Variants in INSYN2A observed in about 807,000 individuals in gnomAD.
The protein encoded by INSYN2A is family with sequence similarity 196 member A.
INSYN2A carries 17 observed loss-of-function variants against 39.4 expected under a neutral mutation model. That is an observed-to-expected ratio of 0.43 (90% CI 0.30 to 0.65). The LOEUF (loss-of-function observed/expected upper bound fraction) is 0.65. Ranked by LOEUF, INSYN2A falls within the 30% of genes least tolerant of loss-of-function variation. The pLI, the probability that INSYN2A is intolerant of heterozygous loss-of-function variation, is 0.14. For missense variants in INSYN2A, 595 were observed against 631.2 expected (o/e 0.94, Z 0.61); for synonymous variants, 255 against 265.7 (o/e 0.96, Z 0.39).
At chr10:127,178,914 G>T (rs114839525) in intron 2 of INSYN2A, among the ~76,000 whole-genome samples, 12 of 152,310 alleles carry the variant, frequency 7.9e-5, no homozygotes, top group African/African-American at 2.4e-4. Context: ...ATGGGTAGCA[G>T]TGGGGGTGGA....
At chr10:127,189,558 C>T (rs1056823296) in intron 2 of INSYN2A, among the ~76,000 whole-genome samples, 2 of 152,110 alleles carry the variant, frequency 1.3e-5, no homozygotes, top group Non-Finnish European at 2.9e-5. Flanking sequence ...ATAGCAAGTG[C>T]AAAACAAATT....
In INSYN2A at chr10:127,176,495, G is replaced by A. The variant is rs1294875354; in HGVS notation, c.-5-95C>T. 8 of 1,012,244 alleles carry A rather than the reference G, an allele frequency of 7.9e-6. No homozygotes were observed. In the South Asian group the frequency reaches 9.5e-5, roughly 12 times the overall value. 62.7% of individuals were successfully genotyped at this position (1,012,244 alleles called of 1,614,324 possible). On this transcript the variant is annotated intron_variant, in intron 3 of 5. Coordinates refer to ENST00000522781, the MANE Select transcript of INSYN2A (RefSeq NM_001039762.3). The surrounding 1 kb of genome is among the most constrained non-coding windows in gnomAD (Gnocchi z 4.4). Reference sequence around the variant, plus strand: ...CTTTTAGCCACCACGACGACTGCCTGTTTCCTAATTATATTTAAGCAGGTG... The same window carrying A: ...CTTTTAGCCACCACGACGACTGCCTATTTCCTAATTATATTTAAGCAGGTG...
intron 4 of INSYN2A, among the ~76,000 whole-genome samples, chr10:127,164,462 C>T (rs868182145): frequency 2.6e-5 from 4 of 152,216 alleles, no homozygotes; most frequent in Middle Eastern, 3.4e-3. Context: ...GGATTACAGG[C>T]GTGAGCCACT....
Position 127,176,494 on chromosome 10 carries a change from T to G in INSYN2A, c.-5-94A>C, listed in dbSNP as rs998898202. 12 of 1,014,370 alleles carry G rather than the reference T, an allele frequency of 1.2e-5. No individual in the cohort carries two copies. In the African/African-American group the frequency reaches 1.9e-4, roughly 16 times the overall value. The allele number at this position is 1,014,370 out of a possible 1,614,324, so 62.8% of individuals were successfully genotyped here. The stretch of plus-strand genomic sequence containing the variant: ...ACTTTTAGCCACCACGACGACTGCC[T>G]GTTTCCTAATTATATTTAAGCAGGT... On this transcript the variant is annotated intron_variant, in intron 3 of 5. Coordinates refer to ENST00000522781, the MANE Select transcript of INSYN2A (RefSeq NM_001039762.3). The surrounding 1 kb of genome is among the most constrained non-coding windows in gnomAD (Gnocchi z 4.4).
At chr10:127,184,245 G>T (rs997798597) in intron 2 of INSYN2A, among the ~76,000 whole-genome samples, 6 of 152,128 alleles carry the variant, frequency 3.9e-5, no homozygotes, top group African/African-American at 1.4e-4. Context: ...CTCCAACTTA[G>T]TAGATTCTGT....
intron 5 of INSYN2A, among the ~76,000 whole-genome samples, chr10:127,148,030 C>CAAAAAA (rs57503481): frequency 4.7e-5 from 3 of 63,274 alleles, no homozygotes; most frequent in Admixed American, 2.5e-4. Flanking sequence ...GACTCTGTCT[C>CAAAAAA]AAAAAAAAAA....
chr10:127,147,691 C>T (rs775344775), intron 5 of INSYN2A, among the ~76,000 whole-genome samples: 21 of 152,010 alleles, frequency 1.4e-4, no homozygotes, highest in African/African-American at 4.6e-4. Flanking sequence ...TTTAGGACCC[C>T]AAATGGAAAG....
chr10:127,171,745 C>A (rs909162563), intron 4 of INSYN2A, among the ~76,000 whole-genome samples: 2 of 152,044 alleles, frequency 1.3e-5, no homozygotes, highest in African/African-American at 4.8e-5. Flanking sequence ...GCTCTGTTGC[C>A]CAGGCTGGAG....
chr10:127,149,395 C>T (rs1195933226), intron 5 of INSYN2A, among the ~76,000 whole-genome samples: 1 of 152,154 alleles, frequency 6.6e-6, no homozygotes, highest in East Asian at 1.9e-4. Flanking sequence ...ACCGTTTGTC[C>T]TTTTGATGCT....
chr10:127,174,045 T>C (rs1177322373), intron 4 of INSYN2A, among the ~76,000 whole-genome samples: 3 of 152,070 alleles, frequency 2.0e-5, no homozygotes, highest in Admixed American at 6.5e-5. Flanking sequence ...AGGCAGGAGG[T>C]GTTTCCTCCC....
intron 4 of INSYN2A, among the ~76,000 whole-genome samples, chr10:127,171,385 T>C (rs1457718757): frequency 6.6e-6 from 1 of 152,212 alleles, no homozygotes; most frequent in Non-Finnish European, 1.5e-5. Flanking sequence ...AAACATACAT[T>C]GCCCAGGGCC....
chr10:127,183,889 A>G (rs2055970943), intron 2 of INSYN2A, among the ~76,000 whole-genome samples: 1 of 152,212 alleles, frequency 6.6e-6, no homozygotes, highest in East Asian at 1.9e-4. Flanking sequence ...TCCCTTGACC[A>G]GCAGCTGTTG....
intron 5 of INSYN2A, among the ~76,000 whole-genome samples, chr10:127,144,007 A>G (rs2051535583): frequency 6.6e-6 from 1 of 152,036 alleles, no homozygotes; most frequent in Non-Finnish European, 1.5e-5. Flanking sequence ...ATCAAGCTCA[A>G]CTTGCTCCTC....
intron 2 of INSYN2A, among the ~76,000 whole-genome samples, chr10:127,190,081 A>G (rs149685346): frequency 4.4e-4 from 67 of 152,342 alleles, no homozygotes; most frequent in Admixed American, 1.4e-3. Context: ...ATCTGACTGC[A>G]GTGAGATACA....
chr10:127,184,320 C>G lies in INSYN2A; in HGVS notation c.-268-7181G>C, dbSNP rs188302723. ...ACGGCTTGCTCAATTCATTCCCCCC[C>G]CAGTCTAATCCCCCAAATCAGTCGT... On this transcript the variant is annotated intron_variant, in intron 2 of 5. Transcript: ENST00000522781. Among the ~76,000 whole-genome samples, 616 of 151,134 alleles carry G rather than the reference C, an allele frequency of 4.1e-3. 5 individuals carry two copies. Among genetic ancestry groups the G allele is most frequent in the African/African-American group, 0.014 (559 of 41,028 alleles).
chr10:127,161,049 T>C (rs773503016), intron 4 of INSYN2A, among the ~76,000 whole-genome samples: 9 of 152,220 alleles, frequency 5.9e-5, no homozygotes, highest in Non-Finnish European at 1.3e-4. Flanking sequence ...TTTCAGTGAT[T>C]CCCTCCTATG....
intron 4 of INSYN2A, among the ~76,000 whole-genome samples, chr10:127,154,735 T>C (rs1397323962): frequency 1.3e-5 from 2 of 152,198 alleles, no homozygotes; most frequent in Non-Finnish European, 2.9e-5. Context: ...TTGGCCTTTG[T>C]AGGGGAGGTT....
chr10:127,178,177 G>A (rs1287586553), intron 2 of INSYN2A, among the ~76,000 whole-genome samples: 1 of 152,262 alleles, frequency 6.6e-6, no homozygotes, highest in Non-Finnish European at 1.5e-5. Flanking sequence ...TCTCAGGCCA[G>A]CCTGGTCTTG....
chr10:127,175,524 G>A lies in INSYN2A; in HGVS notation c.872C>T (p.Ala291Val), dbSNP rs1564869991. 6.2e-7 allele frequency: 1 copy of A among 1,609,478 alleles called. No homozygotes were observed. ...CGCCTGGAGCCCGTTGAGATGTGTG[G>A]CTCTCCTCCGCTCGTCATCTGCCGG... is the stretch of plus-strand genomic sequence containing the variant. ...LCPADDERRR[A>V]THLNGLQAPS... Residue 291 changes from alanine (A) to valine (V), a missense_variant, in exon 4 of 6, where the codon GCC becomes GTC. By Grantham distance (64) the Ala-to-Val change is moderately conservative. This residue lies in a region of INSYN2A where 478 missense variants were observed against 467.4 expected (regional missense o/e 1.02). Transcript: ENST00000522781. The surrounding 1 kb of genome is among the most constrained non-coding windows in gnomAD (Gnocchi z 6.3).
Sources: gnomAD v4.1 joint callset for allele counts (sites outside exome capture counted in the v4.1 genomes callset) on GRCh38, gnomAD v4.1.1 for gene constraint, gnomAD v4.1.1 regional missense constraint, Gnocchi (gnomAD v3.1) non-coding constraint, MANE v1.5 for transcripts, NCBI Gene and HGNC (gene_info 2026-07-23, HGNC 2026-07-21) for gene names.